The following POLE variants were observed in gnomAD, a reference collection of about 807,000 sequenced individuals.
POLE encodes DNA polymerase epsilon, catalytic subunit.
Under a neutral mutation model 279.2 loss-of-function variants are expected in POLE, and 188 were observed. That is an observed-to-expected ratio of 0.67 (90% CI 0.60 to 0.76). The LOEUF (loss-of-function observed/expected upper bound fraction) is 0.76. Ranked by LOEUF, POLE falls within the 30% of genes least tolerant of loss-of-function variation. POLE has a pLI of 0.00. For synonymous variants in POLE, 1,214 were observed against 1,172.5 expected (o/e 1.04, Z -0.72); for missense variants, 2,703 against 3,016.7 (o/e 0.90, Z 2.44).
intron 2 of POLE, 107 bp downstream of exon 2, chr12:132,681,031 T>C (rs2043154370): frequency 7.6e-7 from 1 of 1,321,614 alleles, no homozygotes; most frequent in Non-Finnish European, 1.0e-6. Flanking sequence ...TCCCACCTGA[T>C]TCACTCAAAG....
chr12:132,630,777 G>T (rs5745054), intron 45 of POLE, among the ~76,000 whole-genome samples: 1,956 of 152,228 alleles, frequency 0.013, 48 homozygotes, highest in African/African-American at 0.044. Context: ...AACACAATGC[G>T]ATACCACTAC....
chr12:132,636,095 T>C, intron 41 of POLE, 71 bp from the exon 42 acceptor site: 1 of 1,523,954 alleles, frequency 6.6e-7, no homozygotes, highest in Non-Finnish European at 8.9e-7. Flanking sequence ...TTATTTCCCC[T>C]TGTATCTATC....
chr12:132,649,341 G>A lies in POLE; in HGVS notation c.3970C>T (p.Arg1324Cys), dbSNP rs779464847. 3.2e-5 allele frequency: 51 copies of A among 1,613,486 alleles called. No individual in the cohort carries two copies. The highest frequency in any genetic ancestry group is 1.6e-4 in the Middle Eastern group (1 of 6,084). The change falls in exon 31 of 49, where the codon CGC (arginine) becomes TGC (cysteine). Residue 1324 changes from arginine to cysteine, a missense_variant. Around this residue, in one of 5 missense-constraint regions of POLE, gnomAD observed 1,551 missense variants for 1,686.1 expected, o/e 0.92. Coordinates refer to ENST00000320574, the MANE Select transcript of POLE (RefSeq NM_006231.4). ...TGCCACGGAAGGTCCAGGATGCTGC[G>A]GGCAGTTCTTCGCAAGAAGCTCCCC... ...GLGSFLRRTA[R>C]SILDLPWQIV...
At position 132,632,189 on chromosome 12, in the gene POLE, A is replaced by G. The variant is rs1351807684; in HGVS notation, c.6330+126T>C. On this transcript the variant is annotated intron_variant, in intron 45 of 48. Transcript: ENST00000320574. ...CATGCACAGGTATGTCGGTGTCCTT[A>G]TCTTGCACACATACGCTAGCACGTT... is the stretch of plus-strand genomic sequence containing the variant. The G allele has an allele frequency of 8.2e-6, 6 of 728,338 alleles. No homozygotes were observed. In the African/African-American group the frequency reaches 8.8e-5, roughly 11 times the overall value. The allele number at this position is 728,338 out of a possible 1,614,324, so 45.1% of individuals were successfully genotyped here. A position where few individuals can be genotyped will look rare whatever the true frequency, so the allele number is the denominator to read the frequency against.
At chr12:132,629,917 T>C (rs1304042475) in intron 45 of POLE, among the ~76,000 whole-genome samples, 1 of 152,212 alleles carries the variant, frequency 6.6e-6, no homozygotes, top group Non-Finnish European at 1.5e-5. Flanking sequence ...GACTCTTCCT[T>C]TCACTTGAAC....
chr12:132,626,059 C>G, intron 46 of POLE, 58 bp downstream of exon 46: 1 of 1,497,502 alleles, frequency 6.7e-7, no homozygotes, highest in Non-Finnish European at 9.1e-7. Flanking sequence ...CTCAAGACAC[C>G]GCAGTGCCCT....
chr12:132,626,024 CCA>C (rs2041830916), intron 46 of POLE, 91 bp downstream of exon 46: 1 of 1,307,058 alleles, frequency 7.7e-7, no homozygotes, highest in Non-Finnish European at 1.1e-6. Context: ...CAGGTGTGAC[CCA>C]CAGAGCTGGA....
At chr12:132,645,046 T>C (rs1400150637) in intron 32 of POLE, among the ~76,000 whole-genome samples, 1 of 51,162 alleles carries the variant, frequency 2.0e-5, no homozygotes, top group Non-Finnish European at 3.4e-5. Context: ...CACCCTAGCT[T>C]CCTGTGTGGG....
rs761649085 is a variant in POLE at position 132,668,777 on chromosome 12, A to G, written c.1923+34T>C. 2.5e-6 allele frequency: 4 copies of G among 1,613,668 alleles called. No homozygotes were observed. The highest frequency in any genetic ancestry group is 2.2e-5 in the South Asian group (2 of 91,068). On this transcript the variant is annotated intron_variant, in intron 17 of 48. Transcript: ENST00000320574. This position sits in a 1 kb window ranked among gnomAD's most constrained non-coding sequence, Gnocchi z 4.0. Reference sequence around the variant, plus strand: ...AAAGCACTTAGGGCTGGGCAGAGAGAGCTCCGACTCTGACACGGGAAGTAA... The same window carrying G: ...AAAGCACTTAGGGCTGGGCAGAGAGGGCTCCGACTCTGACACGGGAAGTAA...
chr12:132,639,088 G>C lies in POLE; in HGVS notation c.5552+37C>G. The C allele has an allele frequency of 6.3e-7, 1 of 1,597,764 alleles. No individual in the cohort carries two copies. Reference sequence around the variant, plus strand: ...GGGAGTAAGGGACCAGCCCAGCTGAGGACGCGGTGGACAGCCCAGGGAGGA... The same window carrying C: ...GGGAGTAAGGGACCAGCCCAGCTGACGACGCGGTGGACAGCCCAGGGAGGA... On this transcript the variant is annotated intron_variant, in intron 40 of 48. Coordinates refer to ENST00000320574, the MANE Select transcript of POLE (RefSeq NM_006231.4). The surrounding 1 kb of genome is among the most constrained non-coding windows in gnomAD (Gnocchi z 4.7).
In POLE at chr12:132,627,135, G is replaced by A. The variant is rs374180850; in HGVS notation, c.6331-818C>T. On this transcript the variant is annotated intron_variant, in intron 45 of 48. Transcript: ENST00000320574. ...ATTTCTATTAAAAATACAAAAATTG[G>A]CTGGGCATGGTGGCGGGTGCACCTG... 1.1e-4 allele frequency among the ~76,000 whole-genome samples: 17 copies of A among 152,142 alleles called. No homozygotes were observed. In the East Asian group the frequency reaches 2.5e-3, roughly 22 times the overall value.
At position 132,642,483 on chromosome 12, in the gene POLE, CACA is replaced by C. The variant is rs752389775; in HGVS notation, c.4952+20_4952+22del. 291 of 1,603,880 alleles carry C rather than the reference CACA, an allele frequency of 1.8e-4. 1 individual carries two copies. The highest frequency in any genetic ancestry group is 9.9e-4 in the Middle Eastern group (6 of 6,070). Reference sequence around the variant, plus strand: ...CGGCTCTGCCTGGGGACCACTGGCCCACAACGACAGTACTGTGCTCACCTGCTC... The same window carrying C: ...CGGCTCTGCCTGGGGACCACTGGCCCACGACAGTACTGTGCTCACCTGCTC... On this transcript the variant is annotated intron_variant, in intron 37 of 48. Transcript: ENST00000320574.
rs5744933 is a variant in POLE at position 132,643,943 on chromosome 12, T to C, written c.4184A>G (p.Tyr1395Cys). ...NRVLPRSNMVYNLYEYSVPED... is the reference protein window; with the variant it reads ...NRVLPRSNMVCNLYEYSVPED... ...TGGCACTGAATACTCATAGAGATTGTAGACCATGTTGGAGCGAGGAAGGAC... is the reference window on the plus strand; with the variant it reads ...TGGCACTGAATACTCATAGAGATTGCAGACCATGTTGGAGCGAGGAAGGAC... Residue 1395 changes from tyrosine (Y) to cysteine (C), a missense_variant, in exon 33 of 49, where the codon TAC becomes TGC. Tyr to Cys is a radical substitution (Grantham distance 194). Transcript: ENST00000320574. The C allele has an allele frequency of 4.2e-4, 679 of 1,613,960 alleles. 5 individuals are homozygous for C. In the African/African-American group the frequency reaches 8.0e-3, roughly 19 times the overall value.
rs181498327 is a variant in POLE at position 132,649,970 on chromosome 12, G to A, written c.3583-81C>T. 6.0e-4 allele frequency: 765 copies of A among 1,274,604 alleles called. 1 individual carries two copies. The highest frequency in any genetic ancestry group is 8.3e-4 in the Non-Finnish European group (748 of 905,244). The allele number at this position is 1,274,604 out of a possible 1,614,324, so 79.0% of individuals were successfully genotyped here. A position where few individuals can be genotyped will look rare whatever the true frequency, so the allele number is the denominator to read the frequency against. ...TCATGCCTGGAATGCCAGCACTTTG[G>A]GAGGCCAAGACAGGAGAATTGCTTG... On this transcript the variant is annotated intron_variant, in intron 29 of 48. Transcript: ENST00000320574.
At chr12:132,647,108 A>G (rs996268020) in intron 32 of POLE, among the ~76,000 whole-genome samples, 3 of 152,158 alleles carry the variant, frequency 2.0e-5, no homozygotes, top group Non-Finnish European at 4.4e-5. Context: ...TATCAACAAC[A>G]TAAAGTGAGG....
In POLE at chr12:132,664,229, C is replaced by A. The variant is rs367893799; in HGVS notation, c.2562-81G>T. On this transcript the variant is annotated intron_variant, in intron 22 of 48. Coordinates refer to ENST00000320574, the MANE Select transcript of POLE (RefSeq NM_006231.4). This position sits in a 1 kb window ranked among gnomAD's most constrained non-coding sequence, Gnocchi z 5.3. ...TGTGGCCTCCAGCCTTCCCTCCTTC[C>A]TTCCTGCCCAGTGTGTGGCCTCCAG... 1.3e-6 allele frequency: 2 copies of A among 1,491,856 alleles called. No individual in the cohort carries two copies. The highest frequency in any genetic ancestry group is 2.3e-5 in the East Asian group (1 of 43,836). The allele number at this position is 1,491,856 out of a possible 1,614,324, so 92.4% of individuals were successfully genotyped here. A position where few individuals can be genotyped will look rare whatever the true frequency, so the allele number is the denominator to read the frequency against.
Position 132,624,540 on chromosome 12 carries a change from A to G in POLE, c.*157T>C. 1 of 645,650 alleles carries G rather than the reference A, an allele frequency of 1.5e-6. No individual in the cohort carries two copies. Among genetic ancestry groups the G allele is most frequent in the Non-Finnish European group, 2.8e-6 (1 of 356,552 alleles). 40.0% of individuals were successfully genotyped at this position (645,650 alleles called of 1,614,324 possible). A position where few individuals can be genotyped will look rare whatever the true frequency, so the allele number is the denominator to read the frequency against. On this transcript the variant is annotated 3_prime_UTR_variant, in exon 49 of 49. Transcript: ENST00000320574. ...CTCCTGTGACGTCTGAGCTCCCTGA[A>G]AATGGTTTTCTTTGGTTTCCTCCCC...
chr12:132,626,127 G>A lies in POLE; in HGVS notation c.6521C>T (p.Ser2174Phe), dbSNP rs1555301177. The change falls in exon 46 of 49, where the codon TCC becomes TTC. Residue 2174 changes from serine to phenylalanine, a missense_variant. Physicochemically the swap from Ser to Phe is radical, Grantham distance 155 (BLOSUM62 -2). Around this residue, in one of 5 missense-constraint regions of POLE, gnomAD observed 1,551 missense variants for 1,686.1 expected, o/e 0.92. Transcript: ENST00000320574. ...GGAGCTCAGCCGCACCTCTGAGAAG[G>A]AAGAGTCTTTACACAGGTCCAGGTC... ...CRDLDLCKDSSFSEDGAVLPQ... is the reference protein window; with the variant it reads ...CRDLDLCKDSFFSEDGAVLPQ... 1 of 1,600,988 alleles carries A rather than the reference G, an allele frequency of 6.2e-7. No homozygotes were observed. Among genetic ancestry groups the A allele is most frequent in the Non-Finnish European group, 8.5e-7 (1 of 1,174,092 alleles).
In POLE at chr12:132,632,250, G is replaced by GT. The variant is rs5745027; in HGVS notation, c.6330+64dup. On this transcript the variant is annotated intron_variant, in intron 45 of 48. Coordinates refer to ENST00000320574, the MANE Select transcript of POLE (RefSeq NM_006231.4). ...GCATTACAGCCTCACCTTGCACACA[G>GT]TAACATTCTCGCCTTACACATGTAC... 3,256 of 1,325,134 alleles carry GT rather than the reference G, an allele frequency of 2.5e-3. 71 individuals are homozygous for GT. The African/African-American group carries it at 0.042, about 17-fold the overall frequency. 82.1% of individuals were successfully genotyped at this position (1,325,134 alleles called of 1,614,324 possible).
Sources: gnomAD v4.1 joint callset for allele counts (sites outside exome capture counted in the v4.1 genomes callset) on GRCh38, gnomAD v4.1.1 for gene constraint, gnomAD v4.1.1 regional missense constraint, Gnocchi (gnomAD v3.1) non-coding constraint, MANE v1.5 for transcripts, NCBI Gene and HGNC (gene_info 2026-07-23, HGNC 2026-07-21) for gene names.